The following STAT5A variants were observed in gnomAD, a reference collection of about 807,000 sequenced individuals.
The protein encoded by STAT5A is epididymis secretory sperm binding protein.
In STAT5A, 26 loss-of-function variants were observed where a neutral mutation model predicts 100.2. That is an observed-to-expected ratio of 0.26 (90% CI 0.19 to 0.36). The LOEUF (loss-of-function observed/expected upper bound fraction) is 0.36, where lower values mean the gene tolerates loss of function less well. STAT5A is among the 10% of genes least tolerant of loss of function. The pLI, the probability that STAT5A is intolerant of heterozygous loss-of-function variation, is 1.00. For synonymous variants in STAT5A, 330 were observed against 424.3 expected (o/e 0.78, Z 2.73); for missense variants, 634 against 1,027.5 (o/e 0.62, Z 5.24).
chr17:42,287,880 A>C (rs199630844), upstream of STAT5A: 1 of 152,364 alleles, frequency 6.6e-6, no homozygotes, highest in African/African-American at 2.4e-5. Flanking sequence ...TGGCCGGAGT[A>C]AAAGAAGGAG....
Position 42,307,651 on chromosome 17 carries a change from G to A in STAT5A, c.1834G>A (p.Asp612Asn), listed in dbSNP as rs1344427649. ...CCACGACCTGCTCATCAACAAGCCCGACGGGACCTTCTTGTTGCGCTTTAG... is the reference window on the plus strand; with the variant it reads ...CCACGACCTGCTCATCAACAAGCCCAACGGGACCTTCTTGTTGCGCTTTAG... ...QAHDLLINKPDGTFLLRFSDS... is the reference protein window; with the variant it reads ...QAHDLLINKPNGTFLLRFSDS... The change falls in exon 15 of 19, where the codon GAC (aspartate) becomes AAC (asparagine). Residue 612 changes from aspartate to asparagine, a missense_variant. Around this residue, in one of 5 missense-constraint regions of STAT5A, gnomAD observed 210 missense variants for 428.4 expected, o/e 0.49. Transcript: ENST00000590949. 1.2e-6 allele frequency: 2 copies of A among 1,614,086 alleles called. No individual in the cohort carries two copies. Among genetic ancestry groups the A allele is most frequent in the East Asian group, 2.2e-5 (1 of 44,874 alleles).
chr17:42,298,744 C>T (rs1044805758), intron 5 of STAT5A, among the ~76,000 whole-genome samples: 2 of 152,206 alleles, frequency 1.3e-5, no homozygotes, highest in African/African-American at 2.4e-5. Context: ...GCCTCAGTCT[C>T]CCAAAGTGCT....
intron 15 of STAT5A, 48 bp downstream of exon 15, chr17:42,307,771 G>C (rs1403000351): frequency 3.1e-6 from 5 of 1,594,726 alleles, no homozygotes; most frequent in East Asian, 2.2e-5. Flanking sequence ...CCGGTCTCTT[G>C]TTCCCTTGCC....
chr17:42,295,699 A>G lies in STAT5A; in HGVS notation c.456A>G (p.Arg152=). 6.2e-7 allele frequency: 1 copy of G among 1,613,928 alleles called. No individual in the cohort carries two copies. The highest frequency in any genetic ancestry group is 8.5e-7 in the Non-Finnish European group (1 of 1,179,960). The part of the protein sequence containing the change: ...LQINQTFEEL[R]LVTQDTENEL... The stretch of plus-strand genomic sequence containing the variant: ...TCAACCAGACATTTGAGGAGCTGCG[A>G]CTGGTCACGCAGGACACAGAGAATG... The change falls in exon 5 of 19, where the codon CGA becomes CGG. Residue 152 remains arginine, a synonymous_variant. Transcript: ENST00000590949.
At chr17:42,289,154 A>C in intron 1 of STAT5A, 1 of 387,104 alleles carries the variant, frequency 2.6e-6, no homozygotes, top group South Asian at 7.0e-5. Flanking sequence ...GCGAGGGGAG[A>C]GGAAGACGGG....
Position 42,310,815 on chromosome 17 carries a change from C to A in STAT5A, c.*146C>A. Reference sequence around the variant, plus strand: ...GTGTGTGTGTGTCCTTGTGCATGAGCTACGCCTGCCTCCCCTGTGCAGTCC... The same window carrying A: ...GTGTGTGTGTGTCCTTGTGCATGAGATACGCCTGCCTCCCCTGTGCAGTCC... On this transcript the variant is annotated 3_prime_UTR_variant, in exon 19 of 19. Coordinates refer to ENST00000590949, the MANE Select transcript of STAT5A (RefSeq NM_001288718.2). The A allele has an allele frequency of 1.5e-6, 2 of 1,362,738 alleles. No individual in the cohort carries two copies. Among genetic ancestry groups the A allele is most frequent in the African/African-American group, 1.4e-5 (1 of 69,622 alleles). 84.4% of individuals were successfully genotyped at this position (1,362,738 alleles called of 1,614,324 possible).
chr17:42,298,630 C>T (rs2080943842), intron 5 of STAT5A, among the ~76,000 whole-genome samples: 1 of 152,068 alleles, frequency 6.6e-6, no homozygotes, highest in Admixed American at 6.6e-5. Flanking sequence ...CGCCACCATG[C>T]CCGGCTAATT....
In STAT5A at chr17:42,304,221, G is replaced by C; in HGVS notation, c.1170-121G>C. 1.1e-6 allele frequency: 1 copy of C among 874,058 alleles called. No homozygotes were observed. The highest frequency in any genetic ancestry group is 2.6e-5 in the East Asian group (1 of 38,166). 54.1% of individuals were successfully genotyped at this position (874,058 alleles called of 1,614,324 possible). On this transcript the variant is annotated intron_variant, in intron 9 of 18. Coordinates refer to ENST00000590949, the MANE Select transcript of STAT5A (RefSeq NM_001288718.2). This position sits in a 1 kb window ranked among gnomAD's most constrained non-coding sequence, Gnocchi z 4.8. ...AAGACGCCAAGAAACACTCTTAGGG[G>C]ATACGGGGCAGGGGCTGCTGGCAGG...
chr17:42,289,377 C>T (rs763624557), intron 1 of STAT5A, 25 bp from the exon 2 acceptor site: 1 of 1,582,938 alleles, frequency 6.3e-7, no homozygotes, highest in Non-Finnish European at 8.6e-7. Flanking sequence ...CAGAGGAGAG[C>T]GCTTCAGCGC....
intron 8 of STAT5A, 82 bp downstream of exon 8, chr17:42,300,952 C>T: frequency 6.3e-7 from 1 of 1,598,348 alleles, no homozygotes. Flanking sequence ...CCTTCCAGAC[C>T]AGCAGATCCA....
At chr17:42,297,581 G>A (rs1311825014) in intron 5 of STAT5A, among the ~76,000 whole-genome samples, 3 of 151,410 alleles carry the variant, frequency 2.0e-5, no homozygotes, top group Admixed American at 1.3e-4. Context: ...ATTGCTTCCC[G>A]TCTCCCTGGC....
Position 42,305,602 on chromosome 17 carries a change from T to G in STAT5A, c.1381-8T>G, listed in dbSNP as rs759401671. 18 of 1,613,738 alleles carry G rather than the reference T, an allele frequency of 1.1e-5. No homozygotes were observed. The highest frequency in any genetic ancestry group is 1.5e-5 in the Non-Finnish European group (18 of 1,179,794). ...CCCCATCAACTTGGGTTCCTTTGACTCCTGTAGACTCTGTCCCTACCTGTG... is the reference window on the plus strand; with the variant it reads ...CCCCATCAACTTGGGTTCCTTTGACGCCTGTAGACTCTGTCCCTACCTGTG... On this transcript the variant is annotated splice_polypyrimidine_tract_variant and splice_region_variant and intron_variant, in intron 11 of 18. Transcript: ENST00000590949.
In STAT5A at chr17:42,295,675, C is replaced by G; in HGVS notation, c.432C>G (p.Ile144Met). The change falls in exon 5 of 19, where the codon ATC (isoleucine) becomes ATG (methionine). Residue 144 changes from isoleucine to methionine, a missense_variant. Ile to Met is a conservative substitution (Grantham distance 10). Coordinates refer to ENST00000590949, the MANE Select transcript of STAT5A (RefSeq NM_001288718.2). ...CCATGTCCCAGAAGCACCTTCAGAT[C>G]AACCAGACATTTGAGGAGCTGCGAC... ...VDAMSQKHLQINQTFEELRLV... is the reference protein window; with the variant it reads ...VDAMSQKHLQMNQTFEELRLV... The G allele has an allele frequency of 6.2e-7, 1 of 1,613,970 alleles. No individual in the cohort carries two copies.
upstream of STAT5A, chr17:42,288,073 C>T (rs2080829887): frequency 6.6e-6 from 1 of 152,210 alleles, no homozygotes; most frequent in African/African-American, 2.4e-5. This position sits in a 1 kb window ranked among gnomAD's most constrained non-coding sequence, Gnocchi z 4.8. Context: ...AAAGATGACA[C>T]GCGCCAGAGC....
Position 42,299,623 on chromosome 17 carries a change from C to A in STAT5A, c.551-128C>A, listed in dbSNP as rs1312932214. 5.4e-6 allele frequency: 8 copies of A among 1,493,188 alleles called. No homozygotes were observed. The African/African-American group carries it at 9.7e-5, about 18-fold the overall frequency. 92.5% of individuals were successfully genotyped at this position (1,493,188 alleles called of 1,614,324 possible). On this transcript the variant is annotated intron_variant, in intron 5 of 18. Coordinates refer to ENST00000590949, the MANE Select transcript of STAT5A (RefSeq NM_001288718.2). ...CTTGGCCCCCCTGGCTGTCAGGAACCCCGACTTGCTCTTGATGCAGTGTCT... is the reference window on the plus strand; with the variant it reads ...CTTGGCCCCCCTGGCTGTCAGGAACACCGACTTGCTCTTGATGCAGTGTCT...
At chr17:42,296,565 A>G (rs550784502) in intron 5 of STAT5A, among the ~76,000 whole-genome samples, 1 of 151,954 alleles carries the variant, frequency 6.6e-6, no homozygotes, top group South Asian at 2.1e-4. Context: ...TTTTTCCTTT[A>G]CTCTTTTTAA....
At chr17:42,309,596 C>T (rs1001381509) in intron 18 of STAT5A, 112 bp downstream of exon 18, 8 of 1,096,046 alleles carry the variant, frequency 7.3e-6, no homozygotes, top group Non-Finnish European at 1.1e-5. Flanking sequence ...AGGCCCAAGT[C>T]CAGGAGGAGT....
rs1397206574 is a variant in STAT5A at position 42,304,010 on chromosome 17, A to G, written c.1170-332A>G. Among the ~76,000 whole-genome samples, 1 of 152,204 alleles carries G rather than the reference A, an allele frequency of 6.6e-6. No homozygotes were observed. The highest frequency in any genetic ancestry group is 1.5e-5 in the Non-Finnish European group (1 of 68,040). On this transcript the variant is annotated intron_variant, in intron 9 of 18. Coordinates refer to ENST00000590949, the MANE Select transcript of STAT5A (RefSeq NM_001288718.2). This position sits in a 1 kb window ranked among gnomAD's most constrained non-coding sequence, Gnocchi z 4.8. ...CCAGGGGGGTGGGTAGGTGTTGACCATAGGGATCCTCAGAGACTGTGGTTG... is the reference window on the plus strand; with the variant it reads ...CCAGGGGGGTGGGTAGGTGTTGACCGTAGGGATCCTCAGAGACTGTGGTTG...
chr17:42,305,578 C>T, intron 11 of STAT5A, 32 bp from the exon 12 acceptor site: 2 of 1,591,596 alleles, frequency 1.3e-6, no homozygotes, highest in Non-Finnish European at 1.7e-6. Flanking sequence ...GTGGTCACGC[C>T]CCATCAACTT....
Sources: allele counts gnomAD v4.1 joint callset (sites outside exome capture counted in the v4.1 genomes callset), GRCh38; gene constraint gnomAD v4.1.1; regional missense constraint gnomAD v4.1.1; non-coding constraint Gnocchi (gnomAD v3.1); transcripts MANE v1.5; gene names NCBI Gene and HGNC (gene_info 2026-07-23, HGNC 2026-07-21).